The following ARG1 variants were observed in gnomAD, a reference collection of about 807,000 sequenced individuals.
The protein encoded by ARG1 is arginase-1.
In ARG1, 20 loss-of-function variants were observed where a neutral mutation model predicts 33.0. The ratio of observed to expected loss-of-function variants is 0.61; its 90% confidence interval spans 0.43 to 0.88. ARG1 has a LOEUF of 0.88. ARG1 is among the 40% of genes least tolerant of loss of function. The pLI is 0.00. For missense variants in ARG1, 374 were observed against 384.7 expected (o/e 0.97, Z 0.23); for synonymous variants, 146 against 140.6 (o/e 1.04, Z -0.27).
At chr6:131,577,624 G>A (rs1246779763) in intron 2 of ARG1, among the ~76,000 whole-genome samples, 1 of 151,814 alleles carries the variant, frequency 6.6e-6, no homozygotes, top group African/African-American at 2.4e-5. Context: ...TGGACTGGTC[G>A]GGCACGGTGG....
intron 2 of ARG1, among the ~76,000 whole-genome samples, chr6:131,577,702 G>C (rs1344520605): frequency 2.0e-5 from 3 of 151,820 alleles, no homozygotes; most frequent in Non-Finnish European, 4.4e-5. Context: ...AGGAGTTCAA[G>C]ACCAGCCTGG....
chr6:131,575,015 G>A (rs552184214), intron 1 of ARG1, among the ~76,000 whole-genome samples: 2 of 152,240 alleles, frequency 1.3e-5, no homozygotes, highest in Admixed American at 6.5e-5. Flanking sequence ...TTTAGGGATT[G>A]GGCCCAGCTT....
chr6:131,582,468 C>G (rs1254558854), intron 4 of ARG1, among the ~76,000 whole-genome samples, 153 bp from the exon 5 acceptor site: 2 of 152,086 alleles, frequency 1.3e-5, no homozygotes, highest in Non-Finnish European at 2.9e-5. Flanking sequence ...AGGCACACAT[C>G]CTCTTCTTAA....
In ARG1 at chr6:131,578,105, G is replaced by C. The variant is rs1773716766; in HGVS notation, c.131-1006G>C. Among the ~76,000 whole-genome samples the C allele has an allele frequency of 2.6e-5, 4 of 151,370 alleles. 1 individual carries two copies. The South Asian group carries it at 8.3e-4, about 32-fold the overall frequency. ...GCAAGAATTACCTCTAAAGGGGCAG[G>C]ATGGAATTTTTCAAACTCATTGACC... On this transcript the variant is annotated intron_variant, in intron 2 of 7. Transcript: ENST00000368087.
At chr6:131,576,078 C>G (rs190201884) in intron 1 of ARG1, among the ~76,000 whole-genome samples, 7 of 152,316 alleles carry the variant, frequency 4.6e-5, no homozygotes, top group Admixed American at 4.6e-4. Context: ...TTCCTAACTA[C>G]CTACTCATGT....
At chr6:131,579,495 T>G in intron 3 of ARG1, 4 of 480,016 alleles carry the variant, frequency 8.3e-6, no homozygotes, top group South Asian at 8.0e-5. Context: ...TATTTTGACC[T>G]AGTACAGCAG....
rs956382871 is a variant in ARG1, at chr6:131,573,649, T to C, written c.57+310T>C. Among the ~76,000 whole-genome samples, 10 of 152,206 alleles carry C rather than the reference T, an allele frequency of 6.6e-5. No individual in the cohort carries two copies. The South Asian group carries it at 1.4e-3, about 22-fold the overall frequency. On this transcript the variant is annotated intron_variant, in intron 1 of 7. Transcript: ENST00000368087. Reference sequence around the variant, plus strand: ...ACTCTTTCTGCATTGTAGCTACTCATTGAGGTTTAGTTGCTCTTGTTGTTT... The same window carrying C: ...ACTCTTTCTGCATTGTAGCTACTCACTGAGGTTTAGTTGCTCTTGTTGTTT...
At chr6:131,574,433 G>T in intron 1 of ARG1, 1 of 959,586 alleles carries the variant, frequency 1.0e-6, no homozygotes, top group Non-Finnish European at 1.7e-6. Flanking sequence ...ACACAGAAAT[G>T]TTCCTTTTAA....
At chr6:131,574,033 G>A in intron 1 of ARG1, 1 of 525,416 alleles carries the variant, frequency 1.9e-6, no homozygotes, top group Non-Finnish European at 3.4e-6. Context: ...CACGAGCTGT[G>A]AATCCACACA....
rs77165245 is a variant in ARG1, at chr6:131,576,026, G to A, written c.58-637G>A. On this transcript the variant is annotated intron_variant, in intron 1 of 7. Transcript: ENST00000368087. ...ACTCTTTCGATGCTTTTGCCCAATC[G>A]TTCCCTTGGTTTGCAGAGTTTCTCC... Among the ~76,000 whole-genome samples, 686 of 152,244 alleles carry A rather than the reference G, an allele frequency of 4.5e-3. 21 individuals are homozygous for A. In the East Asian group the frequency reaches 0.081, roughly 18 times the overall value.
intron 1 of ARG1, chr6:131,574,133 C>G (rs1773500479): frequency 1.2e-6 from 1 of 849,916 alleles, no homozygotes. Flanking sequence ...TAGACTTCAA[C>G]ACGCATCTGT....
chr6:131,583,980 G>A lies in ARG1; in HGVS notation c.*72G>A. The A allele has an allele frequency of 6.5e-7, 1 of 1,536,374 alleles. No homozygotes were observed. Among genetic ancestry groups the A allele is most frequent in the Non-Finnish European group, 9.0e-7 (1 of 1,115,160 alleles). On this transcript the variant is annotated 3_prime_UTR_variant, in exon 8 of 8. Coordinates refer to ENST00000368087, the MANE Select transcript of ARG1 (RefSeq NM_000045.4). The stretch of plus-strand genomic sequence containing the variant: ...AAAGCTAATCATTTTCTTAAGCATA[G>A]AGTTATCCTTCTAAAGACTTGTTCT...
In ARG1 at chr6:131,579,000, C is replaced by T. The variant is rs1266621936; in HGVS notation, c.131-111C>T. 11 of 1,280,868 alleles carry T rather than the reference C, an allele frequency of 8.6e-6. No individual in the cohort carries two copies. In the African/African-American group the frequency reaches 1.7e-4, roughly 19 times the overall value. 79.3% of individuals were successfully genotyped at this position (1,280,868 alleles called of 1,614,324 possible). On this transcript the variant is annotated intron_variant, in intron 2 of 7. Transcript: ENST00000368087. ...GATTTACAGACCTTTCAGGTTTTTCCTTTGCTTATACTTGTGAATATATGC... is the reference window on the plus strand; with the variant it reads ...GATTTACAGACCTTTCAGGTTTTTCTTTTGCTTATACTTGTGAATATATGC...
intron 3 of ARG1, chr6:131,579,528 A>G (rs1222695704): frequency 5.3e-6 from 2 of 377,456 alleles, no homozygotes; most frequent in Non-Finnish European, 9.6e-6. Context: ...ATATGAATGG[A>G]TTTCATCTAA....
intron 2 of ARG1, among the ~76,000 whole-genome samples, chr6:131,577,254 T>C (rs1336732820): frequency 1.3e-5 from 2 of 152,186 alleles, no homozygotes; most frequent in East Asian, 1.9e-4. Flanking sequence ...AAGATTCTGA[T>C]AAAGTGTTGG....
rs182106399 is a variant in ARG1 at position 131,578,524 on chromosome 6, C to T, written c.131-587C>T. On this transcript the variant is annotated intron_variant, in intron 2 of 7. Transcript: ENST00000368087. ...AAGAATAACTAAAAAGCTTTATTTC[C>T]GAAGCTTCCAAAGTGTTAGGCTCAG... 7.2e-5 allele frequency among the ~76,000 whole-genome samples: 11 copies of T among 152,076 alleles called. No homozygotes were observed. In the East Asian group the frequency reaches 9.7e-4, roughly 13 times the overall value.
intron 3 of ARG1, among the ~76,000 whole-genome samples, chr6:131,580,200 G>A (rs1773849327): frequency 6.6e-6 from 1 of 152,122 alleles, no homozygotes; most frequent in South Asian, 2.1e-4. Flanking sequence ...ATGACTTCAG[G>A]TCTCCTTGGC....
intron 1 of ARG1, chr6:131,573,941 A>G (rs1442389493): frequency 8.8e-6 from 3 of 340,654 alleles, no homozygotes; most frequent in African/African-American, 6.2e-5. Context: ...AAAGAACAAA[A>G]AAAGAAAGAA....
chr6:131,581,282 G>A lies in ARG1; in HGVS notation c.369G>A (p.Val123=). The A allele has an allele frequency of 6.2e-7, 1 of 1,613,852 alleles. No homozygotes were observed. The highest frequency in any genetic ancestry group is 1.3e-5 in the African/African-American group (1 of 75,022). The change falls in exon 4 of 8, where the codon GTG becomes GTA. Residue 123 remains valine (V), a synonymous_variant. Coordinates refer to ENST00000368087, the MANE Select transcript of ARG1 (RefSeq NM_000045.4). ...RVHPDLGVIW[V]DAHTDINTPL... The stretch of plus-strand genomic sequence containing the variant: ...ACCCTGATCTTGGAGTCATCTGGGT[G>A]GATGCTCACACTGATATCAACACTC...
Sources: gnomAD v4.1 joint callset for allele counts (sites outside exome capture counted in the v4.1 genomes callset) on GRCh38, gnomAD v4.1.1 for gene constraint, MANE v1.5 for transcripts, NCBI Gene and HGNC (gene_info 2026-07-23, HGNC 2026-07-21) for gene names.